SORCS2: variants seen among roughly 807,000 people sequenced by gnomAD.
SORCS2 encodes the protein VPS10 domain-containing receptor SorCS2.
In SORCS2, 100 loss-of-function variants were observed where a neutral mutation model predicts 141.6. The observed-to-expected ratio is 0.71, with a 90% CI of 0.60 to 0.83. The LOEUF is 0.83. Among genes scored for constraint, SORCS2 ranks in the 40% least tolerant of loss-of-function variants. The probability of loss-of-function intolerance (pLI) is 0.00; values close to 1 mark genes in which losing one functional copy is unlikely to be tolerated. For synonymous variants in SORCS2, 789 were observed against 676.9 expected, an observed-to-expected ratio of 1.17 and a Z score of -2.57; for missense variants, 1,646 against 1,560.2, an observed-to-expected ratio of 1.05 and a Z score of -0.93.
intron 18 of SORCS2, 148 bp from the exon 19 acceptor site, chr4:7,723,549 T>A: frequency 1.2e-6 from 1 of 853,826 alleles, no homozygotes; most frequent in Non-Finnish European, 1.9e-6. Context: ...CCAGGCCCGG[T>A]CTCCTGTGGG....
At chr4:7,577,119 G>A (rs9884654) in intron 3 of SORCS2, among the ~76,000 whole-genome samples, 6,707 of 152,312 alleles carry the variant, frequency 0.044, 200 homozygotes, top group African/African-American at 0.065. Context: ...CACAGCTGCT[G>A]TGACAAGAAC....
intron 1 of SORCS2, among the ~76,000 whole-genome samples, chr4:7,298,704 G>A (rs544270702): frequency 4.6e-5 from 7 of 152,332 alleles, no homozygotes; most frequent in African/African-American, 1.4e-4. Context: ...CACTCCCGCC[G>A]TAGTATAGGG....
intron 1 of SORCS2, among the ~76,000 whole-genome samples, chr4:7,346,367 A>C (rs184121202): frequency 2.0e-5 from 3 of 152,158 alleles, no homozygotes; most frequent in Admixed American, 1.3e-4. Flanking sequence ...TCTAATATTG[A>C]TTTCCAATTT....
intron 3 of SORCS2, among the ~76,000 whole-genome samples, chr4:7,592,165 C>G (rs780980639): frequency 6.6e-6 from 1 of 152,178 alleles, no homozygotes; most frequent in Non-Finnish European, 1.5e-5. Context: ...ATTCAAGTCT[C>G]TGTTGTTTAT....
intron 1 of SORCS2, among the ~76,000 whole-genome samples, chr4:7,272,792 C>G (rs1715232349): frequency 6.6e-6 from 1 of 152,270 alleles, no homozygotes; most frequent in African/African-American, 2.4e-5. Context: ...GTAAGCTGAA[C>G]TCTGGTGGAG....
chr4:7,710,776 G>C, intron 14 of SORCS2, among the ~76,000 whole-genome samples: 1 of 152,242 alleles, frequency 6.6e-6, no homozygotes, highest in East Asian at 1.9e-4. Flanking sequence ...GAAGCGGACG[G>C]ACGCGGCAGA....
intron 2 of SORCS2, among the ~76,000 whole-genome samples, chr4:7,422,784 C>T (rs931816095): frequency 1.3e-5 from 2 of 152,176 alleles, no homozygotes; most frequent in African/African-American, 4.8e-5. Context: ...GCCCTTGTCC[C>T]CGAGAGTCCG....
In SORCS2 at chr4:7,669,877, G is replaced by A. The variant is rs570946068; in HGVS notation, c.1161+2664G>A. 5.9e-5 allele frequency among the ~76,000 whole-genome samples: 9 copies of A among 152,326 alleles called. No homozygotes were observed. In the South Asian group the frequency reaches 6.2e-4, roughly 11 times the overall value. On this transcript the variant is annotated intron_variant, in intron 8 of 26. Transcript: ENST00000507866. Reference sequence around the variant, plus strand: ...CATGAGACTGTTTCTTGAATGATGCGTGATATCTACTTTAAATGACTGTGA... The same window carrying A: ...CATGAGACTGTTTCTTGAATGATGCATGATATCTACTTTAAATGACTGTGA...
chr4:7,597,512 T>G (rs1450312559), intron 3 of SORCS2, among the ~76,000 whole-genome samples: 1 of 95,008 alleles, frequency 1.1e-5, no homozygotes, highest in Non-Finnish European at 2.0e-5. Context: ...GGACATGCAA[T>G]GAGAGGTTAC....
chr4:7,259,262 A>G (rs1714146415), intron 1 of SORCS2, among the ~76,000 whole-genome samples: 1 of 152,220 alleles, frequency 6.6e-6, no homozygotes, highest in African/African-American at 2.4e-5. Flanking sequence ...TCAATTAAAA[A>G]GTGATGCAAT....
intron 1 of SORCS2, among the ~76,000 whole-genome samples, chr4:7,218,585 C>T (rs903432570): frequency 2.6e-5 from 4 of 152,284 alleles, no homozygotes; most frequent in East Asian, 1.9e-4. Flanking sequence ...TCTATTTATG[C>T]TCAGTGTATG....
intron 2 of SORCS2, among the ~76,000 whole-genome samples, chr4:7,477,710 C>G (rs1394753125): frequency 6.6e-6 from 1 of 152,190 alleles, no homozygotes; most frequent in Non-Finnish European, 1.5e-5. Context: ...ATGAGATTTC[C>G]TGTCCCACTG....
chr4:7,730,428 A>C (rs1711571477), intron 23 of SORCS2, among the ~76,000 whole-genome samples: 2 of 152,326 alleles, frequency 1.3e-5, no homozygotes, highest in South Asian at 4.1e-4. Context: ...TACCCAAGAG[A>C]AACAAAAACA....
At chr4:7,298,400 G>C (rs546276678) in intron 1 of SORCS2, among the ~76,000 whole-genome samples, 2 of 152,264 alleles carry the variant, frequency 1.3e-5, no homozygotes, top group Middle Eastern at 3.4e-3. Flanking sequence ...TAATTTCAGA[G>C]GCCAGGATGC....
In SORCS2 at chr4:7,703,295, C is replaced by T. The variant is rs776523911; in HGVS notation, c.1684C>T (p.His562Tyr). The change falls in exon 13 of 27, where the codon CAT (histidine) becomes TAT (tyrosine). Residue 562 changes from histidine (H) to tyrosine (Y), a missense_variant. Transcript: ENST00000507866. ...HTWRQVFEEE[H>Y]HILYLDHGGV... ...TCCTCTGCAGGTGTTTGAGGAAGAG[C>T]ATCACATCCTGTACCTGGACCACGG... is the stretch of plus-strand genomic sequence containing the variant. The T allele has an allele frequency of 2.5e-6, 4 of 1,612,478 alleles. No homozygotes were observed. The highest frequency in any genetic ancestry group is 1.7e-6 in the Non-Finnish European group (2 of 1,179,244).
At chr4:7,418,005 G>C (rs1725807529) in intron 2 of SORCS2, among the ~76,000 whole-genome samples, 2 of 152,210 alleles carry the variant, frequency 1.3e-5, no homozygotes, top group Non-Finnish European at 2.9e-5. Flanking sequence ...TGGCTCATCA[G>C]ATGTTTATGA....
intron 25 of SORCS2, among the ~76,000 whole-genome samples, chr4:7,736,012 G>A (rs770364468): frequency 6.6e-6 from 1 of 152,262 alleles, no homozygotes; most frequent in African/African-American, 2.4e-5. Flanking sequence ...GTCTCTGGGA[G>A]CTTGAATGTA....
At chr4:7,467,403 G>A (rs1729683440) in intron 2 of SORCS2, among the ~76,000 whole-genome samples, 1 of 152,166 alleles carries the variant, frequency 6.6e-6, no homozygotes, top group Non-Finnish European at 1.5e-5. Context: ...TTGGCCTCTG[G>A]GTTGGGTGAT....
intron 1 of SORCS2, among the ~76,000 whole-genome samples, chr4:7,378,810 AT>A (rs1297238268): frequency 6.6e-6 from 1 of 152,188 alleles, no homozygotes; most frequent in Non-Finnish European, 1.5e-5. Context: ...GCTGAGAGTT[AT>A]CCCAAGTCTG....
Sources: gnomAD v4.1 joint callset for allele counts (sites outside exome capture counted in the v4.1 genomes callset) on GRCh38, gnomAD v4.1.1 for gene constraint, MANE v1.5 for transcripts, NCBI Gene and HGNC (gene_info 2026-07-23, HGNC 2026-07-21) for gene names.